DCC: variants seen among roughly 807,000 people sequenced by gnomAD.
DCC encodes netrin receptor DCC.
In DCC, 58 loss-of-function variants were observed where a neutral mutation model predicts 172.5. The observed-to-expected ratio is 0.34, with a 90% CI of 0.27 to 0.42. The LOEUF is 0.42. DCC is among the 10% of genes least tolerant of loss of function. The pLI, the probability that DCC is intolerant of heterozygous loss-of-function variation, is 1.00. For synonymous variants in DCC, 709 were observed against 644.5 expected (o/e 1.10, Z -1.52); for missense variants, 1,740 against 1,791.0 (o/e 0.97, Z 0.51).
intron 17 of DCC, among the ~76,000 whole-genome samples, chr18:53,396,028 G>A (rs1908916895): frequency 6.6e-6 from 1 of 151,750 alleles, no homozygotes. Context: ...AATGTTATTA[G>A]TACAGTTACA....
At chr18:52,347,239 G>T (rs1475361366) in intron 1 of DCC, among the ~76,000 whole-genome samples, 1 of 152,136 alleles carries the variant, frequency 6.6e-6, no homozygotes, top group Admixed American at 6.5e-5. Context: ...GAAAAAAGAA[G>T]TTAAGCAGTT....
At chr18:53,073,919 T>C (rs1173788470) in intron 7 of DCC, among the ~76,000 whole-genome samples, 1 of 151,200 alleles carries the variant, frequency 6.6e-6, no homozygotes, top group Non-Finnish European at 1.5e-5. Context: ...ATAATATAAT[T>C]ACATTATAAT....
At position 53,207,686 on chromosome 18, in the gene DCC, A is replaced by G; in HGVS notation, c.1730A>G (p.Glu577Gly). The change falls in exon 11 of 29, where the codon GAG becomes GGG. Residue 577 changes from glutamate to glycine, a missense_variant. Coordinates refer to ENST00000442544, the MANE Select transcript of DCC (RefSeq NM_005215.4). Reference protein sequence around the residue: ...EVSTGKEQNIEVDGLSYKLEG... With the variant: ...EVSTGKEQNIGVDGLSYKLEG... ...GGTGTTTTATGTCTCCAGAATATAG[A>G]GGTTGATGGACTATCTTATAAACTG... 1 of 1,613,518 alleles carries G rather than the reference A, an allele frequency of 6.2e-7. No homozygotes were observed. Among genetic ancestry groups the G allele is most frequent in the Non-Finnish European group, 8.5e-7 (1 of 1,179,578 alleles).
At chr18:52,452,385 T>G (rs1988332593) in intron 1 of DCC, among the ~76,000 whole-genome samples, 1 of 152,206 alleles carries the variant, frequency 6.6e-6, no homozygotes, top group Non-Finnish European at 1.5e-5. Context: ...CCAAAATTAT[T>G]CCGAAAGAAG....
chr18:52,411,831 T>A (rs2144404862), intron 1 of DCC, among the ~76,000 whole-genome samples: 1 of 152,198 alleles, frequency 6.6e-6, no homozygotes, highest in East Asian at 1.9e-4. Flanking sequence ...TAAAAATGCT[T>A]AAAATATTGG....
At chr18:52,356,457 C>A (rs543526694) in intron 1 of DCC, among the ~76,000 whole-genome samples, 1 of 152,096 alleles carries the variant, frequency 6.6e-6, no homozygotes, top group Non-Finnish European at 1.5e-5. Flanking sequence ...GTACATTTTG[C>A]GGCCAAAGGG....
At chr18:52,536,000 A>T (rs1365597317) in intron 1 of DCC, among the ~76,000 whole-genome samples, 1 of 152,190 alleles carries the variant, frequency 6.6e-6, no homozygotes, top group Non-Finnish European at 1.5e-5. Flanking sequence ...TAGCTTTTAC[A>T]CTGAGAATGG....
At chr18:53,488,328 G>A (rs572999777) in intron 26 of DCC, among the ~76,000 whole-genome samples, 1 of 152,134 alleles carries the variant, frequency 6.6e-6, no homozygotes, top group East Asian at 1.9e-4. Flanking sequence ...TGAGCTGAGA[G>A]TGTGACACTG....
chr18:52,994,792 A>G (rs151247787), intron 5 of DCC, among the ~76,000 whole-genome samples: 58 of 152,296 alleles, frequency 3.8e-4, no homozygotes, highest in Middle Eastern at 3.4e-3. Context: ...TGATTGTCCC[A>G]TGATGTTTTA....
intron 15 of DCC, among the ~76,000 whole-genome samples, chr18:53,374,503 A>C (rs1200071071): frequency 6.6e-6 from 1 of 152,212 alleles, no homozygotes; most frequent in African/African-American, 2.4e-5. Flanking sequence ...GTAACAAAAG[A>C]TGTCACCCAT....
intron 2 of DCC, among the ~76,000 whole-genome samples, chr18:52,840,274 G>A (rs1462560115): frequency 6.6e-6 from 1 of 152,128 alleles, no homozygotes; most frequent in African/African-American, 2.4e-5. Flanking sequence ...AGTCTGCTCT[G>A]TTATCTGAAC....
intron 5 of DCC, among the ~76,000 whole-genome samples, chr18:53,054,297 C>G (rs2042373667): frequency 6.6e-6 from 1 of 151,930 alleles, no homozygotes; most frequent in South Asian, 2.1e-4. Flanking sequence ...TATATAAAAT[C>G]TTAATTCTCA....
At chr18:52,716,058 C>T (rs1331851157) in intron 1 of DCC, among the ~76,000 whole-genome samples, 2 of 152,042 alleles carry the variant, frequency 1.3e-5, no homozygotes, top group African/African-American at 2.4e-5. Flanking sequence ...TCTATGATCC[C>T]TGCTCAGACC....
intron 1 of DCC, among the ~76,000 whole-genome samples, chr18:52,570,988 A>T (rs1568234520): frequency 2.6e-5 from 4 of 152,200 alleles, no homozygotes; most frequent in Admixed American, 1.3e-4. Context: ...CTATAGGATA[A>T]GGAAATCTAT....
At chr18:52,527,225 GTTC>G (rs1188890373) in intron 1 of DCC, among the ~76,000 whole-genome samples, 1 of 152,148 alleles carries the variant, frequency 6.6e-6, no homozygotes, top group African/African-American at 2.4e-5. Context: ...AGAGCAATTT[GTTC>G]TTCTTTTTTT....
Position 53,109,366 on chromosome 18 carries a change from T to G in DCC, c.1261+43200T>G, listed in dbSNP as rs1283729315. ...CTGGATATCTGGTATGGTGATTCTT[T>G]GCAATTTTGACTAAGTGTTCTAAAA... On this transcript the variant is annotated intron_variant, in intron 7 of 28. Coordinates refer to ENST00000442544, the MANE Select transcript of DCC (RefSeq NM_005215.4). Among the ~76,000 whole-genome samples, 3 of 151,746 alleles carry G rather than the reference T, an allele frequency of 2.0e-5. No homozygotes were observed. The South Asian group carries it at 6.2e-4, about 32-fold the overall frequency.
chr18:52,712,572 G>C (rs952137062), intron 1 of DCC, among the ~76,000 whole-genome samples: 3 of 152,286 alleles, frequency 2.0e-5, no homozygotes, highest in Non-Finnish European at 2.9e-5. Flanking sequence ...TTCCATGCAA[G>C]AATCTTGAAA....
intron 27 of DCC, among the ~76,000 whole-genome samples, chr18:53,500,281 T>C (rs2046080690): frequency 6.6e-6 from 1 of 151,774 alleles, no homozygotes; most frequent in Non-Finnish European, 1.5e-5. Context: ...AGAATGAATG[T>C]CAATAGATAA....
intron 5 of DCC, among the ~76,000 whole-genome samples, chr18:53,031,791 C>T (rs183545141): frequency 2.2e-4 from 33 of 152,116 alleles, no homozygotes; most frequent in Admixed American, 1.8e-3. Flanking sequence ...GGTTTTGTAA[C>T]ATACTCTTTG....
Sources: gnomAD v4.1 joint callset for allele counts (sites outside exome capture counted in the v4.1 genomes callset) on GRCh38, gnomAD v4.1.1 for gene constraint, MANE v1.5 for transcripts, NCBI Gene and HGNC (gene_info 2026-07-23, HGNC 2026-07-21) for gene names.